The following TEC variants were observed in gnomAD, a reference collection of about 807,000 sequenced individuals.
TEC encodes the protein tec protein tyrosine kinase.
A neutral mutation model predicts 93.0 loss-of-function variants in TEC; 72 were observed. The ratio of observed to expected loss-of-function variants is 0.77; its 90% CI spans 0.64 to 0.94. The LOEUF (loss-of-function observed/expected upper bound fraction) is 0.94, where lower values mean the gene tolerates loss of function less well. TEC is among the 40% of genes least tolerant of loss of function. The pLI is 0.00. For missense variants in TEC, 630 were observed against 757.9 expected (o/e 0.83, Z 1.98); for synonymous variants, 249 against 247.7 (o/e 1.01, Z -0.05).
chr4:48,204,103 G>A (rs1468047732), intron 2 of TEC, among the ~76,000 whole-genome samples: 2 of 152,160 alleles, frequency 1.3e-5, no homozygotes, highest in Non-Finnish European at 2.9e-5. Context: ...TCTTAGCCAG[G>A]CTTACTTGCC....
chr4:48,139,059 G>A, intron 15 of TEC, 37 bp from the exon 16 acceptor site: 1 of 1,521,378 alleles, frequency 6.6e-7, no homozygotes, highest in Non-Finnish European at 9.1e-7. Context: ...CACCTCTGAA[G>A]AACAATCTGT....
At chr4:48,244,825 G>A (rs1423843822) in intron 1 of TEC, among the ~76,000 whole-genome samples, 1 of 152,144 alleles carries the variant, frequency 6.6e-6, no homozygotes, top group Admixed American at 6.5e-5. Context: ...AGGACAGAGA[G>A]ATATCATATC....
intron 2 of TEC, among the ~76,000 whole-genome samples, chr4:48,188,656 C>T (rs541814437): frequency 1.2e-4 from 19 of 152,158 alleles, no homozygotes; most frequent in Middle Eastern, 3.4e-3. Context: ...TAAACATGCA[C>T]GCGTATGTGT....
intron 1 of TEC, among the ~76,000 whole-genome samples, chr4:48,244,461 T>C (rs986294092): frequency 7.2e-5 from 11 of 152,200 alleles, no homozygotes; most frequent in African/African-American, 2.7e-4. Context: ...TCTTGTAGAC[T>C]TATTCACTAT....
chr4:48,185,727 T>C (rs1417857343), intron 2 of TEC, among the ~76,000 whole-genome samples: 1 of 151,998 alleles, frequency 6.6e-6, no homozygotes, highest in African/African-American at 2.4e-5. Flanking sequence ...TAAAGTAATA[T>C]CCAGAATATA....
rs765819846 is a variant in TEC, at chr4:48,171,429, T to C, written c.264A>G (p.Thr88=). ...GTGGACTAGGTGCAAAAATGTAAAG[T>C]GTGTTAGCATCATGAACAACCTAAA... is the stretch of plus-strand genomic sequence containing the variant. ...YPFQVVHDAN[T]LYIFAPSPQS... is the part of the protein sequence containing the mutation. The change falls in exon 4 of 18, where the codon ACA becomes ACG. Residue 88 remains threonine (T), a synonymous_variant. Transcript: ENST00000381501. 1 of 1,613,582 alleles carries C rather than the reference T, an allele frequency of 6.2e-7. No homozygotes were observed.
At chr4:48,140,310 C>A (rs1392002874) in intron 15 of TEC, among the ~76,000 whole-genome samples, 3 of 152,178 alleles carry the variant, frequency 2.0e-5, no homozygotes, top group African/African-American at 7.2e-5. Flanking sequence ...TCCCAGACTT[C>A]AAGCTTTTTC....
chr4:48,179,358 A>ATC (rs1721474531), intron 2 of TEC, among the ~76,000 whole-genome samples: 2 of 35,954 alleles, frequency 5.6e-5, no homozygotes, highest in African/African-American at 2.5e-4. Flanking sequence ...ATATATATAT[A>ATC]TATATATATA....
chr4:48,159,732 T>C (rs1172999262), intron 8 of TEC, among the ~76,000 whole-genome samples: 1 of 152,146 alleles, frequency 6.6e-6, no homozygotes, highest in Non-Finnish European at 1.5e-5. Context: ...GTATTTTTAG[T>C]AGAAATGGGG....
chr4:48,227,959 G>C (rs1490715455), intron 2 of TEC, among the ~76,000 whole-genome samples: 1 of 152,158 alleles, frequency 6.6e-6, no homozygotes, highest in Non-Finnish European at 1.5e-5. Context: ...AGGTTTTTTA[G>C]TGAGCTGCTT....
chr4:48,157,106 T>C (rs1420811537), intron 8 of TEC, among the ~76,000 whole-genome samples: 1 of 152,234 alleles, frequency 6.6e-6, no homozygotes, highest in African/African-American at 2.4e-5. Context: ...TTCTTCACTG[T>C]TCAACATAAA....
chr4:48,251,789 T>C (rs1010040119), intron 1 of TEC, among the ~76,000 whole-genome samples: 1 of 152,170 alleles, frequency 6.6e-6, no homozygotes, highest in African/African-American at 2.4e-5. Flanking sequence ...ATCAAAACTT[T>C]ATTGGGGTGA....
intron 2 of TEC, among the ~76,000 whole-genome samples, chr4:48,227,225 T>C (rs1348212438): frequency 7.9e-5 from 12 of 151,890 alleles, no homozygotes; most frequent in African/African-American, 2.9e-4. Context: ...TTGAGGACCA[T>C]CATGAAACAC....
chr4:48,252,893 T>C (rs1348103103), intron 1 of TEC, among the ~76,000 whole-genome samples: 3 of 152,188 alleles, frequency 2.0e-5, no homozygotes, highest in East Asian at 3.8e-4. Flanking sequence ...ACACATTTAC[T>C]GCATGCTTGT....
intron 2 of TEC, among the ~76,000 whole-genome samples, chr4:48,186,801 TGGGA>T (rs1721885769): frequency 1.4e-5 from 2 of 138,570 alleles, no homozygotes; most frequent in South Asian, 4.8e-4. Context: ...CCGCCCCATC[TGGGA>T]GGGAGGTTGG....
At chr4:48,223,899 T>A (rs1465301282) in intron 2 of TEC, among the ~76,000 whole-genome samples, 4 of 152,184 alleles carry the variant, frequency 2.6e-5, no homozygotes, top group South Asian at 2.1e-4. Context: ...AACAAAAACC[T>A]TGGGCACCAA....
intron 1 of TEC, among the ~76,000 whole-genome samples, chr4:48,231,552 C>A (rs1400190454): frequency 6.6e-6 from 1 of 152,010 alleles, no homozygotes; most frequent in Non-Finnish European, 1.5e-5. Flanking sequence ...GTCAGGAGAT[C>A]AAGATCATCC....
chr4:48,193,511 C>G (rs1722166149), intron 2 of TEC, among the ~76,000 whole-genome samples: 1 of 152,106 alleles, frequency 6.6e-6, no homozygotes, highest in South Asian at 2.1e-4. Flanking sequence ...GAGTAACTGT[C>G]CCATTACAAT....
chr4:48,141,704 CA>C (rs1560371291), intron 14 of TEC: 1 of 232,180 alleles, frequency 4.3e-6, no homozygotes, highest in Non-Finnish European at 7.9e-6. Context: ...TTTTTTGAGA[CA>C]GAGTCTGCCT....
Sources: gnomAD v4.1 joint callset for allele counts (sites outside exome capture counted in the v4.1 genomes callset) on GRCh38, gnomAD v4.1.1 for gene constraint, MANE v1.5 for transcripts, NCBI Gene and HGNC (gene_info 2026-07-23, HGNC 2026-07-21) for gene names.